The following SLC48A1 variants were observed in gnomAD, a reference collection of about 807,000 sequenced individuals.
SLC48A1 encodes the protein solute carrier family 48 member 1.
SLC48A1 carries 6 observed loss-of-function variants against 14.8 expected under a neutral mutation model. The observed-to-expected ratio is 0.41, with a 90% CI of 0.22 to 0.80. SLC48A1 has a LOEUF of 0.80. Among genes scored for constraint, SLC48A1 ranks in the 30% least tolerant of loss-of-function variants. The pLI, the probability that SLC48A1 is intolerant of heterozygous loss-of-function variation, is 0.34. For synonymous variants in SLC48A1, 89 were observed against 90.0 expected (o/e 0.99, Z 0.06); for missense variants, 165 against 204.8 (o/e 0.81, Z 1.19).
chr12:47,768,461 A>C (rs1043980887), upstream of SLC48A1: 1 of 152,292 alleles, frequency 6.6e-6, no homozygotes, highest in African/African-American at 2.4e-5. Flanking sequence ...TGTATTTTGT[A>C]ATGAATTTGT....
At position 47,781,574 on chromosome 12, in the gene SLC48A1, G is replaced by C. The variant is rs796229520; in HGVS notation, c.*1293G>C. On this transcript the variant is annotated 3_prime_UTR_variant, in exon 3 of 3. Coordinates refer to ENST00000442218, the MANE Select transcript of SLC48A1 (RefSeq NM_017842.3). ...TTTCTGTTAGACTGCCATTTTGCAC[G>C]GTCTCCCCCTTCCCATCTGATGTGT... 4 of 153,072 alleles carry C rather than the reference G, an allele frequency of 2.6e-5. No homozygotes were observed. The highest frequency in any genetic ancestry group is 7.2e-5 in the African/African-American group (3 of 41,546). The allele number at this position is 153,072 out of a possible 1,614,324, so 9.5% of individuals were successfully genotyped here. A position where few individuals can be genotyped will look rare whatever the true frequency, so the allele number is the denominator to read the frequency against.
At chr12:47,757,759 A>G, upstream of SLC48A1, 1 of 1,107,764 alleles carries the variant, frequency 9.0e-7, no homozygotes, top group South Asian at 1.5e-5. Context: ...GTACCACTGT[A>G]CACCCCCAGA....
At chr12:47,778,694 C>T (rs1281067686) in intron 1 of SLC48A1, 3 of 254,462 alleles carry the variant, frequency 1.2e-5, no homozygotes, top group African/African-American at 6.6e-5. Flanking sequence ...GAAGTTAGAA[C>T]ATTTTTTAGC....
chr12:47,758,350 C>T, upstream of SLC48A1: 4 of 1,456,238 alleles, frequency 2.7e-6, no homozygotes, highest in Non-Finnish European at 3.6e-6. Flanking sequence ...ACTGCCCATG[C>T]CCCTGCAGGG....
intron 1 of SLC48A1, among the ~76,000 whole-genome samples, chr12:47,776,065 G>A (rs1165201096): frequency 6.6e-6 from 1 of 152,226 alleles, no homozygotes; most frequent in Admixed American, 6.5e-5. Context: ...GTGAGCAAGA[G>A]CCCTGGGGCT....
At chr12:47,760,968 G>A (rs1942364226) in intron 2 of SLC48A1, among the ~76,000 whole-genome samples, 1 of 152,156 alleles carries the variant, frequency 6.6e-6, no homozygotes, top group African/African-American at 2.4e-5. Context: ...AGGCTGAGGT[G>A]GGGGTGAATC....
At position 47,775,350 on chromosome 12, in the gene SLC48A1, C is replaced by G. The variant is rs528576839; in HGVS notation, c.136+1910C>G. Among the ~76,000 whole-genome samples, 13 of 152,324 alleles carry G rather than the reference C, an allele frequency of 8.5e-5. No individual in the cohort carries two copies. In the East Asian group the frequency reaches 2.5e-3, roughly 29 times the overall value. On this transcript the variant is annotated intron_variant, in intron 1 of 2. Coordinates refer to ENST00000442218, the MANE Select transcript of SLC48A1 (RefSeq NM_017842.3). ...GGCAGGCCAGCTGTGGAGCTGCCTT[C>G]AGAGAGAGGCGCTAGGGCAGCAGCT...
upstream of SLC48A1, among the ~76,000 whole-genome samples, chr12:47,766,779 C>T (rs1324291849): frequency 1.3e-5 from 2 of 152,200 alleles, no homozygotes; most frequent in Non-Finnish European, 2.9e-5. Flanking sequence ...TCTAGGCTGT[C>T]AGTGGGCAGG....
chr12:47,775,514 G>A (rs1210278040), intron 1 of SLC48A1, among the ~76,000 whole-genome samples: 1 of 152,216 alleles, frequency 6.6e-6, no homozygotes. Context: ...GGCAGGGAGA[G>A]GGGTTGCCAA....
chr12:47,773,479 G>GC (rs1250099350), intron 1 of SLC48A1, 39 bp downstream of exon 1: 49 of 1,291,958 alleles, frequency 3.8e-5, no homozygotes, highest in Non-Finnish European at 4.8e-5. Context: ...CGGGTGCGCG[G>GC]CTGCGGGGCG....
intron 2 of SLC48A1, among the ~76,000 whole-genome samples, chr12:47,762,968 G>A (rs1330376563): frequency 1.3e-5 from 2 of 152,182 alleles, no homozygotes; most frequent in Non-Finnish European, 2.9e-5. Flanking sequence ...GGGCCCCAGA[G>A]CCTATTGGAA....
chr12:47,770,886 C>T (rs892701775), upstream of SLC48A1: 1 of 456,452 alleles, frequency 2.2e-6, no homozygotes, highest in Non-Finnish European at 4.4e-6. Context: ...TTTATTTCTT[C>T]CCTCTGCGCC....
chr12:47,763,581 G>T (rs537303764), intron 2 of SLC48A1, among the ~76,000 whole-genome samples: 1 of 152,110 alleles, frequency 6.6e-6, no homozygotes, highest in African/African-American at 2.4e-5. Context: ...TCTTGCCCCC[G>T]CTCCATCCCC....
chr12:47,761,176 G>A (rs56130536), intron 2 of SLC48A1, among the ~76,000 whole-genome samples: 6,344 of 140,926 alleles, frequency 0.045, 167 homozygotes, highest in Middle Eastern at 0.069. Context: ...CAGCCTGGGC[G>A]ACAGAGCGAA....
upstream of SLC48A1, among the ~76,000 whole-genome samples, chr12:47,766,631 G>A (rs1451806912): frequency 2.6e-5 from 4 of 152,078 alleles, no homozygotes. Flanking sequence ...TCCCCAGGCA[G>A]CTGCACCTGT....
intron 2 of SLC48A1, among the ~76,000 whole-genome samples, chr12:47,761,683 T>C (rs1942384148): frequency 6.6e-6 from 1 of 152,232 alleles, no homozygotes; most frequent in African/African-American, 2.4e-5. Flanking sequence ...GTAACAATCA[T>C]GCCATGTCCT....
intron 1 of SLC48A1, among the ~76,000 whole-genome samples, chr12:47,774,826 A>G (rs1338352955): frequency 6.6e-6 from 1 of 152,110 alleles, no homozygotes; most frequent in African/African-American, 2.4e-5. Flanking sequence ...TCTGCGCGTT[A>G]TCTACAGAGC....
chr12:47,755,160 C>G (rs1941980461), upstream of SLC48A1, among the ~76,000 whole-genome samples: 1 of 152,188 alleles, frequency 6.6e-6, no homozygotes, highest in African/African-American at 2.4e-5. Context: ...AGCTTGGACT[C>G]TGCAGCCAGA....
intron 2 of SLC48A1, 126 bp from the exon 3 acceptor site, chr12:47,780,019 G>A: frequency 8.3e-7 from 1 of 1,206,242 alleles, no homozygotes; most frequent in South Asian, 1.7e-5. Context: ...TCTTTCTGAA[G>A]GGTTGGTTCA....
Sources: allele counts gnomAD v4.1 joint callset (sites outside exome capture counted in the v4.1 genomes callset), GRCh38; gene constraint gnomAD v4.1.1; transcripts MANE v1.5; gene names NCBI Gene and HGNC (gene_info 2026-07-23, HGNC 2026-07-21).